PTPRQ: variants seen among roughly 807,000 people sequenced by gnomAD.
PTPRQ encodes protein tyrosine phosphatase receptor type Q.
Under a neutral mutation model 246.0 loss-of-function variants are expected in PTPRQ, and 199 were observed. The observed-to-expected ratio is 0.81, with a 90% CI of 0.72 to 0.91. The LOEUF is 0.91. Among genes scored for constraint, PTPRQ ranks in the 40% least tolerant of loss-of-function variants. The pLI is 0.00. For missense variants in PTPRQ, 2,624 were observed against 2,528.4 expected (o/e 1.04, Z -0.81); for synonymous variants, 869 against 853.2 (o/e 1.02, Z -0.32).
At chr12:80,619,939 C>G (rs868282933) in intron 31 of PTPRQ, among the ~76,000 whole-genome samples, 53 of 151,424 alleles carry the variant, frequency 3.5e-4, no homozygotes, top group African/African-American at 1.2e-3. Context: ...TCTTTCTCTA[C>G]CTGATAAATC....
chr12:80,519,501 G>A (rs1388148296), intron 17 of PTPRQ, among the ~76,000 whole-genome samples: 8 of 152,310 alleles, frequency 5.3e-5, no homozygotes, highest in East Asian at 1.9e-4. Context: ...ACACTGGGAA[G>A]TGTGCCTCCA....
chr12:80,603,339 A>G (rs900280440), intron 26 of PTPRQ, among the ~76,000 whole-genome samples: 1 of 151,684 alleles, frequency 6.6e-6, no homozygotes, highest in Admixed American at 6.6e-5. Context: ...TCCTAAATCA[A>G]TGGAAAAATA....
Position 80,520,133 on chromosome 12 carries a change from G to A in PTPRQ, c.2678+9690G>A, listed in dbSNP as rs571392385. 5.8e-4 allele frequency among the ~76,000 whole-genome samples: 88 copies of A among 151,980 alleles called. 2 individuals carry two copies. The South Asian group carries it at 0.017, about 29-fold the overall frequency. ...ACGAACAGTCTGTTCTCTCAGCCTC[G>A]TGGTCTCTATTTCATATGGTTTGGT... is the stretch of plus-strand genomic sequence containing the variant. On this transcript the variant is annotated intron_variant, in intron 17 of 44. Coordinates refer to ENST00000644991, the MANE Select transcript of PTPRQ (RefSeq NM_001145026.2).
intron 3 of PTPRQ, among the ~76,000 whole-genome samples, chr12:80,449,167 T>C (rs1252302350): frequency 1.3e-5 from 2 of 151,426 alleles, no homozygotes; most frequent in Admixed American, 6.6e-5. Context: ...GCTGCATAAA[T>C]GTCTTCTTTT....
intron 26 of PTPRQ, among the ~76,000 whole-genome samples, chr12:80,592,674 A>ATTTT (rs1455497232): frequency 2.0e-5 from 3 of 152,148 alleles, no homozygotes; most frequent in African/African-American, 7.2e-5. Flanking sequence ...AATAATTTGG[A>ATTTT]TGAAGAATAT....
At position 80,588,673 on chromosome 12, in the gene PTPRQ, T is replaced by A. The variant is rs565616313; in HGVS notation, c.4609+221T>A. Among the ~76,000 whole-genome samples the A allele has an allele frequency of 9.2e-5, 14 of 152,336 alleles. No homozygotes were observed. In the East Asian group the frequency reaches 2.7e-3, roughly 29 times the overall value. On this transcript the variant is annotated intron_variant, in intron 26 of 44. Coordinates refer to ENST00000644991, the MANE Select transcript of PTPRQ (RefSeq NM_001145026.2). Reference sequence around the variant, plus strand: ...AGGGCTTTTCTCAAACTCCCAAAGTTGTGCCAAGGTCCTAGAGTCTCATAT... The same window carrying A: ...AGGGCTTTTCTCAAACTCCCAAAGTAGTGCCAAGGTCCTAGAGTCTCATAT...
intron 33 of PTPRQ, among the ~76,000 whole-genome samples, chr12:80,623,759 A>T (rs1372548901): frequency 6.6e-6 from 1 of 152,124 alleles, no homozygotes; most frequent in Admixed American, 6.6e-5. Context: ...CAGATTATTC[A>T]TGGGAAGGCA....
At chr12:80,618,859 A>C (rs1898866878) in intron 30 of PTPRQ, among the ~76,000 whole-genome samples, 1 of 151,542 alleles carries the variant, frequency 6.6e-6, no homozygotes, top group Admixed American at 6.6e-5. Flanking sequence ...CCATTAGAAA[A>C]AGCAAACAGT....
At chr12:80,497,436 T>C (rs988982417) in intron 14 of PTPRQ, among the ~76,000 whole-genome samples, 11 of 151,992 alleles carry the variant, frequency 7.2e-5, no homozygotes, top group Non-Finnish European at 1.5e-4. Flanking sequence ...ATTCAGGCGA[T>C]AGGGAGTGGC....
rs539776426 is a variant in PTPRQ, at chr12:80,557,684, A to G, written c.4285+7950A>G. Among the ~76,000 whole-genome samples the G allele has an allele frequency of 9.8e-5, 15 of 152,344 alleles. No homozygotes were observed. The East Asian group carries it at 2.7e-3, about 27-fold the overall frequency. On this transcript the variant is annotated intron_variant, in intron 25 of 44. Coordinates refer to ENST00000644991, the MANE Select transcript of PTPRQ (RefSeq NM_001145026.2). ...GATAGTTGTAGATTCAAATGTAGTT[A>G]TGAGACATAATACAGAGAAATCCTT...
intron 33 of PTPRQ, among the ~76,000 whole-genome samples, chr12:80,627,227 A>T (rs1899234047): frequency 6.6e-6 from 1 of 151,836 alleles, no homozygotes. Flanking sequence ...GACTTATGGA[A>T]TTGAGTAACT....
intron 34 of PTPRQ, among the ~76,000 whole-genome samples, chr12:80,632,898 T>G (rs1899493631): frequency 6.6e-6 from 1 of 152,170 alleles, no homozygotes. Context: ...TGTTCACGAA[T>G]GGCATGGGCA....
Position 80,472,108 on chromosome 12 carries a change from G to A in PTPRQ, c.1043G>A (p.Arg348His), listed in dbSNP as rs775296221. The change falls in exon 8 of 45, where the codon CGC (arginine) becomes CAC (histidine). Residue 348 changes from arginine (R) to histidine (H), a missense_variant. Transcript: ENST00000644991. The part of the protein sequence containing the change: ...YRVELYGPSG[R>H]ILDNSTKDLK... ...AGCTATCTTCCACTTTTTGCAGGTC[G>A]CATTTTGGATAACAGCACAAAAGAC... 7.1e-6 allele frequency: 11 copies of A among 1,549,326 alleles called. No individual in the cohort carries two copies. Among genetic ancestry groups the A allele is most frequent in the South Asian group, 6.0e-5 (5 of 83,440 alleles).
intron 25 of PTPRQ, among the ~76,000 whole-genome samples, chr12:80,564,133 G>A (rs1217998891): frequency 6.6e-6 from 1 of 151,950 alleles, no homozygotes; most frequent in African/African-American, 2.4e-5. Flanking sequence ...GGGTACACGT[G>A]CACATTGTGC....
intron 25 of PTPRQ, among the ~76,000 whole-genome samples, chr12:80,581,887 C>T (rs1290526582): frequency 6.6e-6 from 1 of 152,042 alleles, no homozygotes; most frequent in Admixed American, 6.6e-5. Flanking sequence ...AATTTTTTCC[C>T]TCTGAAACTT....
intron 3 of PTPRQ, among the ~76,000 whole-genome samples, chr12:80,446,816 C>G (rs1479204268): frequency 2.0e-5 from 3 of 151,904 alleles, no homozygotes; most frequent in Non-Finnish European, 1.5e-5. Context: ...TTTCTTTACC[C>G]ATATGATAGA....
chr12:80,635,684 A>T (rs1039991710), intron 35 of PTPRQ, among the ~76,000 whole-genome samples: 3 of 152,114 alleles, frequency 2.0e-5, no homozygotes, highest in African/African-American at 7.2e-5. Flanking sequence ...TAAAGAAAAA[A>T]TAATTATAAA....
chr12:80,638,594 T>C (rs1052710433), intron 35 of PTPRQ, among the ~76,000 whole-genome samples: 1 of 152,180 alleles, frequency 6.6e-6, no homozygotes, highest in Non-Finnish European at 1.5e-5. Context: ...TGCCTGTATA[T>C]TTACACTTTA....
In PTPRQ at chr12:80,468,746, A is replaced by G; in HGVS notation, c.947A>G (p.Asn316Ser). 6.5e-7 allele frequency: 1 copy of G among 1,549,624 alleles called. No individual in the cohort carries two copies. The change falls in exon 7 of 45, where the codon AAC (asparagine) becomes AGC (serine). Residue 316 changes from asparagine to serine, a missense_variant. Transcript: ENST00000644991. ...CCACCACAAAACTGCGTAACAGGCA[A>G]CATCACAGGAAAGTCCTTTTCAATT... ...EGPPQNCVTG[N>S]ITGKSFSILW...
Sources: gnomAD v4.1 joint callset for allele counts (sites outside exome capture counted in the v4.1 genomes callset) on GRCh38, gnomAD v4.1.1 for gene constraint, MANE v1.5 for transcripts, NCBI Gene and HGNC (gene_info 2026-07-23, HGNC 2026-07-21) for gene names.